The following NFYA variants were observed in gnomAD, a reference collection of about 807,000 sequenced individuals.
The protein encoded by NFYA is nuclear transcription factor Y subunit alpha.
NFYA carries 28 observed loss-of-function variants against 52.8 expected under a neutral mutation model. The ratio of observed to expected loss-of-function variants is 0.53; its 90% CI spans 0.39 to 0.73. The LOEUF (loss-of-function observed/expected upper bound fraction) is 0.73, where lower values mean the gene tolerates loss of function less well. Ranked by LOEUF, NFYA falls within the 30% of genes least tolerant of loss-of-function variation. NFYA has a pLI of 0.00. For synonymous variants in NFYA, 150 were observed against 150.7 expected (o/e 1.00, Z 0.03); for missense variants, 234 against 427.0 (o/e 0.55, Z 3.98).
At chr6:41,096,671 A>T (rs911721273) in intron 9 of NFYA, among the ~76,000 whole-genome samples, 2 of 152,190 alleles carry the variant, frequency 1.3e-5, no homozygotes, top group Non-Finnish European at 2.9e-5. Context: ...GAGCCTTGGT[A>T]TGGGGGAACT....
rs1414310741 is a variant in NFYA at position 41,089,450 on chromosome 6, G to A, written c.310-129G>A. The A allele has an allele frequency of 6.2e-6, 6 of 969,278 alleles. No individual in the cohort carries two copies. The African/African-American group carries it at 1.0e-4, about 16-fold the overall frequency. 60.0% of individuals were successfully genotyped at this position (969,278 alleles called of 1,614,324 possible). ...AGTTGTGTCTACTTCATAATGGAGGGCAGAGCAGGACTTCTTTTTTCCTCT... is the reference window on the plus strand; with the variant it reads ...AGTTGTGTCTACTTCATAATGGAGGACAGAGCAGGACTTCTTTTTTCCTCT... On this transcript the variant is annotated intron_variant, in intron 4 of 9. Transcript: ENST00000341376.
At position 41,079,131 on chromosome 6, in the gene NFYA, G is replaced by A. The variant is rs35494365; in HGVS notation, c.42G>A (p.Gln14=). 2,740 of 1,614,212 alleles carry A rather than the reference G, an allele frequency of 1.7e-3. 45 individuals are homozygous for A. In the African/African-American group the frequency reaches 0.03, roughly 18 times the overall value. ...YTANSNSSTE[Q]IVVQAGQIQQ... ...CAAACAGCAATAGTTCGACAGAGCA[G>A]ATTGTTGTCCAGGCAGGACAGATTC... Residue 14 remains glutamine, a synonymous_variant, in exon 2 of 10, where the codon CAG becomes CAA. Transcript: ENST00000341376.
intron 7 of NFYA, among the ~76,000 whole-genome samples, chr6:41,092,689 C>T (rs180824180): frequency 1.2e-4 from 18 of 152,250 alleles, no homozygotes; most frequent in Non-Finnish European, 2.2e-4. Context: ...TATATAGTTT[C>T]TCAGAGTGGC....
intron 1 of NFYA, among the ~76,000 whole-genome samples, chr6:41,078,246 C>A (rs947382597): frequency 6.6e-6 from 1 of 152,218 alleles, no homozygotes; most frequent in African/African-American, 2.4e-5. Context: ...TTCTTTCACA[C>A]TGTATTGAGA....
chr6:41,097,419 C>T lies in NFYA; in HGVS notation c.*9C>T. ...TCATCCGAGTGTCCTAACCCCACGC[C>T]ATGTGATGGAGCTGATCAAGGTCAT... On this transcript the variant is annotated 3_prime_UTR_variant, in exon 10 of 10. Transcript: ENST00000341376. The T allele has an allele frequency of 1.2e-6, 2 of 1,613,776 alleles. No individual in the cohort carries two copies. Among genetic ancestry groups the T allele is most frequent in the Non-Finnish European group, 1.7e-6 (2 of 1,179,758 alleles).
rs1265014977 is a variant in NFYA at position 41,084,115 on chromosome 6, A to G, written c.232A>G (p.Met78Val). ...QLITSTGQPI[M>V]VQAVPGGQGQ... is the part of the protein sequence containing the mutation. ...AATCACATCAACTGGCCAACCCATC[A>G]TGGTCCAGGCTGTCCCTGGTGGACA... Residue 78 changes from methionine (M) to valine (V), a missense_variant, in exon 4 of 10, where the codon ATG becomes GTG. Met to Val is a conservative substitution (Grantham distance 21, BLOSUM62 1). Coordinates refer to ENST00000341376, the MANE Select transcript of NFYA (RefSeq NM_002505.5). 30 of 1,614,050 alleles carry G rather than the reference A, an allele frequency of 1.9e-5. No homozygotes were observed. The highest frequency in any genetic ancestry group is 2.5e-5 in the Non-Finnish European group (30 of 1,180,030).
In NFYA at chr6:41,080,745, A is replaced by T. The variant is rs1369742328; in HGVS notation, c.76-66A>T. 2.3e-6 allele frequency: 3 copies of T among 1,327,630 alleles called. 1 individual carries two copies. The highest frequency in any genetic ancestry group is 3.8e-4 in the Middle Eastern group (2 of 5,332). 82.2% of individuals were successfully genotyped at this position (1,327,630 alleles called of 1,614,324 possible). A position where few individuals can be genotyped will look rare whatever the true frequency, so the allele number is the denominator to read the frequency against. ...TCTCTCTCCTCCAAGAGGTAAGGTG[A>T]TCTGTGTCTTGAACTACACATTTCC... On this transcript the variant is annotated intron_variant, in intron 2 of 9. Transcript: ENST00000341376.
rs1764231202 is a variant in NFYA at position 41,092,837 on chromosome 6, TG to T, written c.715-74del. The T allele has an allele frequency of 8.1e-6, 12 of 1,479,820 alleles. No homozygotes were observed. In the South Asian group the frequency reaches 1.5e-4, roughly 18 times the overall value. 91.7% of individuals were successfully genotyped at this position (1,479,820 alleles called of 1,614,324 possible). A position where few individuals can be genotyped will look rare whatever the true frequency, so the allele number is the denominator to read the frequency against. ...TTGTGGCATTTACAAAAAAAATGGA[TG>T]AAGAGGAACCAAGAAACTGTTTCTA... On this transcript the variant is annotated intron_variant, in intron 7 of 9. Coordinates refer to ENST00000341376, the MANE Select transcript of NFYA (RefSeq NM_002505.5).
In NFYA at chr6:41,078,993, A is replaced by C. The variant is rs1245524818; in HGVS notation, c.-61-36A>C. The C allele has an allele frequency of 1.9e-5, 19 of 1,026,240 alleles. No homozygotes were observed. The Admixed American group carries it at 3.7e-4, about 20-fold the overall frequency. 63.6% of individuals were successfully genotyped at this position (1,026,240 alleles called of 1,614,324 possible). On this transcript the variant is annotated intron_variant, in intron 1 of 9. Transcript: ENST00000341376. ...TTGTCTGGTAAGGCCTTTATTGACA[A>C]TCTCACTTTAGTTTCTTTCCCCACC...
At position 41,102,287 on chromosome 6, in the gene NFYA, T is replaced by C. The variant is rs1764521197; in HGVS notation, c.*4877T>C. Among the ~76,000 whole-genome samples, 1 of 152,210 alleles carries C rather than the reference T, an allele frequency of 6.6e-6. No individual in the cohort carries two copies. The highest frequency in any genetic ancestry group is 1.5e-5 in the Non-Finnish European group (1 of 68,032). ...AGCTAGACCTTTGCCTATTATCTGCTAATCTACCCAGTCTCACATTCTATT... is the reference window on the plus strand; with the variant it reads ...AGCTAGACCTTTGCCTATTATCTGCCAATCTACCCAGTCTCACATTCTATT... On this transcript the variant is annotated 3_prime_UTR_variant, in exon 10 of 10. Coordinates refer to ENST00000341376, the MANE Select transcript of NFYA (RefSeq NM_002505.5).
intron 9 of NFYA, 121 bp downstream of exon 9, chr6:41,094,618 G>C: frequency 1.5e-6 from 1 of 677,674 alleles, no homozygotes; most frequent in South Asian, 1.8e-5. Context: ...CTCTAAACTG[G>C]ATGCAATCTT....
intron 6 of NFYA, 117 bp from the exon 7 acceptor site, chr6:41,091,411 A>T: frequency 1.1e-6 from 1 of 938,796 alleles, no homozygotes; most frequent in African/African-American, 1.7e-5. Context: ...TGTGTTTTTC[A>T]GTGTGTTTTG....
chr6:41,086,251 TG>T (rs1375193780), intron 4 of NFYA, among the ~76,000 whole-genome samples: 1 of 152,184 alleles, frequency 6.6e-6, no homozygotes, highest in Non-Finnish European at 1.5e-5. Flanking sequence ...ATTCTGATCT[TG>T]GCCAAGTTAT....
chr6:41,096,954 T>C lies in NFYA; in HGVS notation c.991-403T>C, dbSNP rs141483237. ...TTCTAATGATTCTTTCTAGCCCTGC[T>C]AAGTACTCAGTATTTAAATGATGAT... is the stretch of plus-strand genomic sequence containing the variant. On this transcript the variant is annotated intron_variant, in intron 9 of 9. Transcript: ENST00000341376. Among the ~76,000 whole-genome samples, 101 of 152,358 alleles carry C rather than the reference T, an allele frequency of 6.6e-4. 1 individual carries two copies. In the East Asian group the frequency reaches 0.016, roughly 24 times the overall value.
At chr6:41,089,111 G>A (rs1764127928) in intron 4 of NFYA, among the ~76,000 whole-genome samples, 1 of 152,066 alleles carries the variant, frequency 6.6e-6, no homozygotes, top group Non-Finnish European at 1.5e-5. Flanking sequence ...AGTCTCCCAA[G>A]TAGCTGGGAT....
rs1293054190 is a variant in NFYA, at chr6:41,098,072, T to C, written c.*662T>C. On this transcript the variant is annotated 3_prime_UTR_variant, in exon 10 of 10. Transcript: ENST00000341376. ...ATAAAAGACTCAAGCACTAAAAATA[T>C]ACATTGCCGAATCTCTTTTTCTAGC... is the stretch of plus-strand genomic sequence containing the variant. The C allele has an allele frequency of 2.0e-5, 3 of 152,706 alleles. No homozygotes were observed. The highest frequency in any genetic ancestry group is 4.8e-5 in the African/African-American group (2 of 41,458). 9.5% of individuals were successfully genotyped at this position (152,706 alleles called of 1,614,324 possible). A position where few individuals can be genotyped will look rare whatever the true frequency, so the allele number is the denominator to read the frequency against.
intron 4 of NFYA, among the ~76,000 whole-genome samples, chr6:41,085,227 A>C (rs1402930363): frequency 6.6e-6 from 1 of 152,234 alleles, no homozygotes; most frequent in Admixed American, 6.5e-5. Flanking sequence ...AATCTGTCCT[A>C]TAGGAAGAAA....
rs574457332 is a variant in NFYA, at chr6:41,091,782, T to G, written c.714+88T>G. ...CCTAAAATTTATTATGTTGACCTCT[T>G]GGGATTGAGATCGATCCTTAAGGCA... On this transcript the variant is annotated intron_variant, in intron 7 of 9. Coordinates refer to ENST00000341376, the MANE Select transcript of NFYA (RefSeq NM_002505.5). 4.7e-5 allele frequency: 69 copies of G among 1,460,772 alleles called. 2 individuals are homozygous for G. The highest frequency in any genetic ancestry group is 3.1e-4 in the South Asian group (24 of 78,292). 90.5% of individuals were successfully genotyped at this position (1,460,772 alleles called of 1,614,324 possible). A position where few individuals can be genotyped will look rare whatever the true frequency, so the allele number is the denominator to read the frequency against.
At position 41,090,322 on chromosome 6, in the gene NFYA, A is replaced by C. The variant is rs1582033419; in HGVS notation, c.547+13A>C. 5 of 1,595,418 alleles carry C rather than the reference A, an allele frequency of 3.1e-6. No homozygotes were observed. In the East Asian group the frequency reaches 1.1e-4, roughly 36 times the overall value. On this transcript the variant is annotated intron_variant, in intron 6 of 9. Transcript: ENST00000341376. ...ATTCTCCAGCAAGGTAAGTGTACCC[A>C]TAAGCTTCCCTAGGACTTTTTGGGG...
Sources: allele counts gnomAD v4.1 joint callset (sites outside exome capture counted in the v4.1 genomes callset), GRCh38; gene constraint gnomAD v4.1.1; transcripts MANE v1.5; gene names NCBI Gene and HGNC (gene_info 2026-07-23, HGNC 2026-07-21).